SHISA9: variants seen among roughly 807,000 people sequenced by gnomAD.
SHISA9 encodes the protein protein shisa-9.
In SHISA9, 13 loss-of-function variants were observed where a neutral mutation model predicts 38.0. The observed-to-expected ratio is 0.34, with a 90% confidence interval of 0.22 to 0.54. The LOEUF is 0.54. Among genes scored for constraint, SHISA9 ranks in the 20% least tolerant of loss-of-function variants. The pLI is 0.91. For missense variants in SHISA9, 538 were observed against 575.8 expected, an observed-to-expected ratio of 0.93 and a Z score of 0.67; for synonymous variants, 275 against 242.0, an observed-to-expected ratio of 1.14 and a Z score of -1.27.
At chr16:12,939,725 G>A (rs1246636862) in intron 2 of SHISA9, among the ~76,000 whole-genome samples, 1 of 152,076 alleles carries the variant, frequency 6.6e-6, no homozygotes, top group African/African-American at 2.4e-5. Flanking sequence ...CCTGTCTATT[G>A]TGCTATTCAA....
chr16:13,259,901 T>C, the SHISA9 span, among the ~76,000 whole-genome samples: 1 of 151,956 alleles, frequency 6.6e-6, no homozygotes, highest in Non-Finnish European at 1.5e-5. Flanking sequence ...TGGAGACATT[T>C]TCCCCATGGT....
the SHISA9 span, among the ~76,000 whole-genome samples, chr16:13,488,482 A>G: frequency 6.6e-6 from 1 of 152,188 alleles, no homozygotes; most frequent in Non-Finnish European, 1.5e-5. Context: ...TGTTGCATAT[A>G]CAATATTCCC....
At chr16:13,331,836 A>G in the SHISA9 span, 1 of 152,040 alleles carries the variant, frequency 6.6e-6, no homozygotes, top group Non-Finnish European at 1.5e-5. Context: ...CCATAATAAT[A>G]CTTACCCCAT....
At chr16:13,246,584 C>G in the SHISA9 span, among the ~76,000 whole-genome samples, 2 of 152,134 alleles carry the variant, frequency 1.3e-5, no homozygotes, top group Non-Finnish European at 2.9e-5. Flanking sequence ...GTATCAGGCA[C>G]TGGGTTAGGC....
chr16:13,246,800 T>A, the SHISA9 span, among the ~76,000 whole-genome samples: 1 of 152,058 alleles, frequency 6.6e-6, no homozygotes, highest in African/African-American at 2.4e-5. Context: ...TAGCTAGAAT[T>A]TCCTTAACAA....
chr16:13,423,659 G>T, the SHISA9 span, among the ~76,000 whole-genome samples: 94 of 152,272 alleles, frequency 6.2e-4, no homozygotes, highest in Middle Eastern at 3.4e-3. Context: ...ATGTCTGTGT[G>T]CATGGCATCC....
intron 2 of SHISA9, among the ~76,000 whole-genome samples, chr16:13,171,522 T>C (rs1038616730): frequency 6.6e-6 from 1 of 151,858 alleles, no homozygotes; most frequent in Non-Finnish European, 1.5e-5. Flanking sequence ...AGCCCTTTCT[T>C]GAAGCTGACA....
chr16:13,181,312 T>TAC (rs1217237745), intron 2 of SHISA9, among the ~76,000 whole-genome samples: 1,214 of 33,572 alleles, frequency 0.036, 20 homozygotes, highest in Admixed American at 0.045. Context: ...TATATATATA[T>TAC]ACACACACAC....
At chr16:13,387,593 G>A in the SHISA9 span, among the ~76,000 whole-genome samples, 2 of 151,642 alleles carry the variant, frequency 1.3e-5, no homozygotes, top group South Asian at 2.1e-4. Context: ...GGGTTCAAAC[G>A]ATTCTCCTGT....
the SHISA9 span, among the ~76,000 whole-genome samples, chr16:13,413,418 T>C: frequency 6.6e-6 from 1 of 152,150 alleles, no homozygotes; most frequent in African/African-American, 2.4e-5. Flanking sequence ...ACCCATGGGT[T>C]GTACAGTGAA....
At chr16:13,458,552 A>G in the SHISA9 span, 3 of 425,584 alleles carry the variant, frequency 7.0e-6, no homozygotes, top group African/African-American at 6.3e-5. Context: ...ACAAATCAAA[A>G]TGATGAACTT....
At chr16:13,374,083 G>A in the SHISA9 span, among the ~76,000 whole-genome samples, 1 of 152,294 alleles carries the variant, frequency 6.6e-6, no homozygotes, top group Non-Finnish European at 1.5e-5. Context: ...AAGCTCTGGA[G>A]CAAGTAACTC....
chr16:13,249,226 G>A, the SHISA9 span, among the ~76,000 whole-genome samples: 1 of 152,164 alleles, frequency 6.6e-6, no homozygotes, highest in Non-Finnish European at 1.5e-5. Flanking sequence ...AGGAAGATGA[G>A]TTTTCCTTGG....
the SHISA9 span, among the ~76,000 whole-genome samples, chr16:13,545,254 T>C: frequency 3.3e-5 from 5 of 152,182 alleles, no homozygotes; most frequent in African/African-American, 1.2e-4. Context: ...TCAAGGTCTT[T>C]TTGAATCCAC....
intron 2 of SHISA9, among the ~76,000 whole-genome samples, chr16:13,184,662 T>C (rs966200362): frequency 2.0e-5 from 3 of 152,166 alleles, no homozygotes; most frequent in Non-Finnish European, 4.4e-5. Flanking sequence ...CTGTCTTCTG[T>C]CCCTATAATT....
the SHISA9 span, among the ~76,000 whole-genome samples, chr16:13,309,002 T>A: frequency 6.6e-6 from 1 of 152,214 alleles, no homozygotes; most frequent in Non-Finnish European, 1.5e-5. Context: ...AGAGTTTCTC[T>A]AACAAGGTCT....
the SHISA9 span, among the ~76,000 whole-genome samples, chr16:13,250,319 A>C: frequency 1.3e-5 from 2 of 152,132 alleles, no homozygotes; most frequent in African/African-American, 4.8e-5. Context: ...TACAATTAGC[A>C]GTCCTGAGTG....
At chr16:13,430,745 A>G in the SHISA9 span, among the ~76,000 whole-genome samples, 3 of 18,606 alleles carry the variant, frequency 1.6e-4, no homozygotes, top group Non-Finnish European at 5.6e-4. Context: ...ATCTCTAAAC[A>G]AAAAAAAAAA....
chr16:13,036,894 A>G (rs1161213770), intron 2 of SHISA9, among the ~76,000 whole-genome samples: 1 of 152,160 alleles, frequency 6.6e-6, no homozygotes, highest in Non-Finnish European at 1.5e-5. Context: ...ATAAATGCCT[A>G]CTACGTGCCA....
Sources: allele counts gnomAD v4.1 joint callset (sites outside exome capture counted in the v4.1 genomes callset), GRCh38; gene constraint gnomAD v4.1.1; transcripts MANE v1.5; gene names NCBI Gene and HGNC (gene_info 2026-07-23, HGNC 2026-07-21).